The following AFG2A variants were observed in gnomAD, a reference collection of about 807,000 sequenced individuals.
AFG2A encodes ATPase family gene 2 protein homolog A.
At chr4:123,005,668 A>T in the AFG2A span, among the ~76,000 whole-genome samples, 2 of 152,196 alleles carry the variant, frequency 1.3e-5, no homozygotes, top group Admixed American at 6.5e-5. Context: ...GGCATCACAC[A>T]TATTTGATAT....
At chr4:123,149,955 C>T in the AFG2A span, among the ~76,000 whole-genome samples, 5,552 of 151,866 alleles carry the variant, frequency 0.037, 341 homozygotes, top group African/African-American at 0.13. Flanking sequence ...TACAGGCACA[C>T]GCCTGTAGTT....
the AFG2A span, among the ~76,000 whole-genome samples, chr4:122,998,285 C>T: frequency 1.6e-4 from 24 of 152,078 alleles, no homozygotes; most frequent in African/African-American, 5.8e-4. Flanking sequence ...TTAACTCTTA[C>T]ATTTAGATCT....
the AFG2A span, among the ~76,000 whole-genome samples, chr4:123,166,797 C>T: frequency 6.6e-6 from 1 of 152,162 alleles, no homozygotes; most frequent in African/African-American, 2.4e-5. Context: ...ATGGATGTTA[C>T]TCTTCTTAAT....
At chr4:123,077,240 G>C in the AFG2A span, among the ~76,000 whole-genome samples, 1 of 151,842 alleles carries the variant, frequency 6.6e-6, no homozygotes, top group Admixed American at 6.6e-5. Context: ...GTAGAGATGG[G>C]GTTTCACCAT....
the AFG2A span, among the ~76,000 whole-genome samples, chr4:122,996,462 A>G: frequency 6.6e-6 from 1 of 152,154 alleles, no homozygotes; most frequent in Non-Finnish European, 1.5e-5. Flanking sequence ...GTATTAGTCA[A>G]GATTCTCAAG....
At chr4:122,941,349 G>A in the AFG2A span, among the ~76,000 whole-genome samples, 1,132 of 150,740 alleles carry the variant, frequency 7.5e-3, 2 homozygotes, top group African/African-American at 0.026. Context: ...GGTCCTTCAC[G>A]TCCCTTGTAA....
At chr4:123,060,475 G>C in the AFG2A span, among the ~76,000 whole-genome samples, 54 of 152,296 alleles carry the variant, frequency 3.5e-4, 1 homozygote, top group South Asian at 0.011. Context: ...CTGCACAACC[G>C]CAGGCTCAAC....
chr4:123,173,939 T>C, the AFG2A span, among the ~76,000 whole-genome samples: 2 of 151,450 alleles, frequency 1.3e-5, no homozygotes, highest in East Asian at 1.9e-4. Flanking sequence ...GCAAGACAAA[T>C]ATATATTCTT....
the AFG2A span, among the ~76,000 whole-genome samples, chr4:123,152,822 T>C: frequency 6.6e-6 from 1 of 152,210 alleles, no homozygotes; most frequent in African/African-American, 2.4e-5. Flanking sequence ...GGAGCTTTAT[T>C]CATAATTGCC....
chr4:123,178,929 T>C, the AFG2A span, among the ~76,000 whole-genome samples: 1 of 152,204 alleles, frequency 6.6e-6, no homozygotes, highest in African/African-American at 2.4e-5. Flanking sequence ...ATTCTAAAGC[T>C]CATTTACACT....
the AFG2A span, among the ~76,000 whole-genome samples, chr4:122,950,709 T>C: frequency 6.6e-6 from 1 of 152,184 alleles, no homozygotes; most frequent in Non-Finnish European, 1.5e-5. Context: ...GTGGCATGCT[T>C]GCTGGGTTAT....
At chr4:123,062,240 C>T in the AFG2A span, among the ~76,000 whole-genome samples, 1 of 152,122 alleles carries the variant, frequency 6.6e-6, no homozygotes, top group Non-Finnish European at 1.5e-5. Context: ...AGTTTACATA[C>T]TGAGAAATTC....
chr4:123,099,528 A>G, the AFG2A span, among the ~76,000 whole-genome samples: 1 of 143,646 alleles, frequency 7.0e-6, no homozygotes, highest in African/African-American at 2.5e-5. Flanking sequence ...AATGAGCCAC[A>G]GAGTTTTTTT....
At chr4:123,001,694 T>C in the AFG2A span, among the ~76,000 whole-genome samples, 1 of 152,170 alleles carries the variant, frequency 6.6e-6, no homozygotes, top group African/African-American at 2.4e-5. Flanking sequence ...TCTGTTCTTT[T>C]ACATTTGCTG....
chr4:123,111,300 A>G, the AFG2A span, among the ~76,000 whole-genome samples: 1 of 152,190 alleles, frequency 6.6e-6, no homozygotes, highest in African/African-American at 2.4e-5. Flanking sequence ...ATAGAGTTTT[A>G]TATTTTCTGA....
the AFG2A span, among the ~76,000 whole-genome samples, chr4:123,101,539 A>G: frequency 5.0e-4 from 76 of 152,090 alleles, no homozygotes; most frequent in East Asian, 6.4e-3. Flanking sequence ...CTTTAAGACA[A>G]TGCTGAAATA....
chr4:123,025,377 G>A, the AFG2A span, among the ~76,000 whole-genome samples: 2 of 152,358 alleles, frequency 1.3e-5, no homozygotes, highest in South Asian at 2.1e-4. Context: ...AACCGAGGTA[G>A]TGGAGTATGC....
the AFG2A span, among the ~76,000 whole-genome samples, chr4:122,970,452 A>G: frequency 4.0e-5 from 6 of 151,748 alleles, no homozygotes; most frequent in African/African-American, 1.5e-4. Flanking sequence ...GCATGGCTGT[A>G]TCTAGAAAAA....
chr4:123,082,870 A>G, the AFG2A span, among the ~76,000 whole-genome samples: 2 of 151,880 alleles, frequency 1.3e-5, no homozygotes, highest in African/African-American at 4.8e-5. Context: ...TTTTTCTCAT[A>G]TAGATTTTGT....
Sources: gnomAD v4.1 joint callset for allele counts (sites outside exome capture counted in the v4.1 genomes callset) on GRCh38, gnomAD v4.1.1 for gene constraint, MANE v1.5 for transcripts, NCBI Gene and HGNC (gene_info 2026-07-23, HGNC 2026-07-21) for gene names.